PPP4R4: variants seen among roughly 807,000 people sequenced by gnomAD.
PPP4R4 encodes serine/threonine-protein phosphatase 4 regulatory subunit 4.
A neutral mutation model predicts 121.8 loss-of-function variants in PPP4R4; 70 were observed. That is an observed-to-expected ratio of 0.57 (90% CI 0.47 to 0.70). The LOEUF (loss-of-function observed/expected upper bound fraction) is 0.70, where lower values mean the gene tolerates loss of function less well. Among genes scored for constraint, PPP4R4 ranks in the 30% least tolerant of loss-of-function variants. PPP4R4 has a pLI of 0.00. For missense variants in PPP4R4, 875 were observed against 1,033.6 expected (o/e 0.85, Z 2.10); for synonymous variants, 348 against 355.7 (o/e 0.98, Z 0.24).
chr14:94,179,601 C>G (rs1055725075), intron 2 of PPP4R4, among the ~76,000 whole-genome samples: 6 of 152,256 alleles, frequency 3.9e-5, no homozygotes, highest in Non-Finnish European at 8.8e-5. Flanking sequence ...AGTACTCTTT[C>G]AATATATCCT....
intron 23 of PPP4R4, 35 bp downstream of exon 23, chr14:94,267,064 A>G: frequency 7.3e-7 from 1 of 1,377,712 alleles, no homozygotes; most frequent in Non-Finnish European, 1.0e-6. Flanking sequence ...AAAAGTTGCT[A>G]AATTTAACAA....
intron 23 of PPP4R4, 98 bp from the exon 24 acceptor site, chr14:94,275,276 A>G: frequency 1.5e-6 from 2 of 1,343,308 alleles, no homozygotes; most frequent in Non-Finnish European, 2.1e-6. Flanking sequence ...ATTGATTTAA[A>G]AGGTGAAAAA....
chr14:94,258,634 A>C (rs948413221), intron 17 of PPP4R4, 149 bp from the exon 18 acceptor site: 1 of 638,790 alleles, frequency 1.6e-6, no homozygotes, highest in Non-Finnish European at 2.8e-6. Context: ...ACAATGTAGA[A>C]TTGGGCAGAA....
chr14:94,272,976 A>C (rs983830585), intron 23 of PPP4R4, among the ~76,000 whole-genome samples: 2 of 152,222 alleles, frequency 1.3e-5, no homozygotes, highest in African/African-American at 4.8e-5. Context: ...GTCTAAATCC[A>C]AAACGCTGAC....
At chr14:94,195,022 A>T (rs1207586603) in intron 2 of PPP4R4, among the ~76,000 whole-genome samples, 3 of 152,166 alleles carry the variant, frequency 2.0e-5, no homozygotes, top group African/African-American at 7.2e-5. Context: ...TAACATCATT[A>T]TGAGGAGCCC....
chr14:94,224,866 A>G (rs1891609441), intron 3 of PPP4R4, among the ~76,000 whole-genome samples: 1 of 152,226 alleles, frequency 6.6e-6, no homozygotes, highest in African/African-American at 2.4e-5. Context: ...GCTATTGGAA[A>G]CATAATTTTA....
At chr14:94,208,372 A>C in intron 2 of PPP4R4, 92 bp from the exon 3 acceptor site, 1 of 822,838 alleles carries the variant, frequency 1.2e-6, no homozygotes, top group Non-Finnish European at 1.8e-6. Context: ...CATTCAAAGC[A>C]GTCATTTTTC....
intron 23 of PPP4R4, among the ~76,000 whole-genome samples, chr14:94,269,763 C>G (rs1337794670): frequency 6.6e-6 from 1 of 152,092 alleles, no homozygotes; most frequent in Non-Finnish European, 1.5e-5. Context: ...TTACTTAACA[C>G]GAATCCACTG....
intron 3 of PPP4R4, 90 bp downstream of exon 3, chr14:94,208,656 G>A: frequency 1.1e-6 from 1 of 917,444 alleles, no homozygotes; most frequent in Non-Finnish European, 1.7e-6. Flanking sequence ...TTTGATGGCT[G>A]ATCTTTTGCA....
chr14:94,219,234 C>T (rs931730756), intron 3 of PPP4R4, among the ~76,000 whole-genome samples: 3 of 151,736 alleles, frequency 2.0e-5, no homozygotes, highest in Non-Finnish European at 4.4e-5. Flanking sequence ...TGCTGCCATG[C>T]CCAGCTAATT....
intron 17 of PPP4R4, among the ~76,000 whole-genome samples, 165 bp from the exon 18 acceptor site, chr14:94,258,618 G>A (rs2139621867): frequency 6.6e-6 from 1 of 152,276 alleles, no homozygotes; most frequent in Admixed American, 6.5e-5. Context: ...AAGATTGATT[G>A]TAAGTACAAT....
chr14:94,254,737 T>A (rs1893374727), intron 16 of PPP4R4, among the ~76,000 whole-genome samples: 1 of 152,150 alleles, frequency 6.6e-6, no homozygotes, highest in East Asian at 1.9e-4. Flanking sequence ...CCACCTAGCA[T>A]CCCTCTCTAA....
intron 14 of PPP4R4, among the ~76,000 whole-genome samples, chr14:94,248,955 GTTA>G (rs1416925294): frequency 1.3e-5 from 2 of 151,732 alleles, no homozygotes; most frequent in East Asian, 3.9e-4. Flanking sequence ...TGTTATTGCA[GTTA>G]TTATTTTTTG....
chr14:94,197,735 T>A (rs1241501780), intron 2 of PPP4R4, among the ~76,000 whole-genome samples: 1 of 152,132 alleles, frequency 6.6e-6, no homozygotes, highest in Non-Finnish European at 1.5e-5. Flanking sequence ...CTTTCCTCAT[T>A]CCCAGGCAAA....
At chr14:94,182,238 TAAA>T (rs1889032653) in intron 2 of PPP4R4, among the ~76,000 whole-genome samples, 1 of 152,224 alleles carries the variant, frequency 6.6e-6, no homozygotes, top group Non-Finnish European at 1.5e-5. Flanking sequence ...GAATATCAGT[TAAA>T]GAAGTACTTT....
chr14:94,183,372 G>T (rs1889094452), intron 2 of PPP4R4, among the ~76,000 whole-genome samples: 2 of 152,168 alleles, frequency 1.3e-5, no homozygotes, highest in African/African-American at 2.4e-5. Context: ...AGGGATCACT[G>T]TTTAATATAT....
chr14:94,253,498 CT>C (rs1331706192), intron 16 of PPP4R4, among the ~76,000 whole-genome samples: 1 of 152,190 alleles, frequency 6.6e-6, no homozygotes, highest in East Asian at 1.9e-4. Context: ...GATTTTAGCT[CT>C]TCCTAAACAA....
chr14:94,259,277 A>T lies in PPP4R4; in HGVS notation c.2053-18A>T. 1 of 1,594,180 alleles carries T rather than the reference A, an allele frequency of 6.3e-7. No homozygotes were observed. The highest frequency in any genetic ancestry group is 1.8e-5 in the Admixed American group (1 of 55,278). ...CTCATCACTAATGTTTCACAATTTC[A>T]TTTTAAACTTTAAACAGTTTCAGAA... On this transcript the variant is annotated intron_variant, in intron 18 of 24. Transcript: ENST00000304338.
At chr14:94,267,363 C>G (rs1351199989) in intron 23 of PPP4R4, among the ~76,000 whole-genome samples, 1 of 152,126 alleles carries the variant, frequency 6.6e-6, no homozygotes, top group Non-Finnish European at 1.5e-5. Context: ...AACAGGACTT[C>G]ACTGTAAATC....
Sources: gnomAD v4.1 joint callset for allele counts (sites outside exome capture counted in the v4.1 genomes callset) on GRCh38, gnomAD v4.1.1 for gene constraint, MANE v1.5 for transcripts, NCBI Gene and HGNC (gene_info 2026-07-23, HGNC 2026-07-21) for gene names.